The following THSD4 variants were observed in gnomAD, a reference collection of about 807,000 sequenced individuals.
The protein encoded by THSD4 is thrombospondin type 1 domain containing 4, also known as thrombospondin type-1 domain-containing protein 4.
Under a neutral mutation model 119.0 loss-of-function variants are expected in THSD4, and 69 were observed. The ratio of observed to expected loss-of-function variants is 0.58; its 90% CI spans 0.48 to 0.71. The LOEUF is 0.71. THSD4 is among the 30% of genes least tolerant of loss of function. The pLI, the probability that THSD4 is intolerant of heterozygous loss-of-function variation, is 0.00. For missense variants in THSD4, 1,393 were observed against 1,391.1 expected (o/e 1.00, Z -0.02); for synonymous variants, 524 against 540.4 (o/e 0.97, Z 0.42).
chr15:71,472,858 A>G (rs2047601291), intron 7 of THSD4, among the ~76,000 whole-genome samples: 1 of 152,160 alleles, frequency 6.6e-6, no homozygotes, highest in Non-Finnish European at 1.5e-5. Context: ...TGGGAAGGAA[A>G]TGTAGCCTTT....
chr15:71,534,136 G>A (rs2140822388), intron 7 of THSD4, among the ~76,000 whole-genome samples: 1 of 152,234 alleles, frequency 6.6e-6, no homozygotes, highest in Admixed American at 6.5e-5. Flanking sequence ...TTGTTGTAGA[G>A]ACAGAGTCTC....
intron 7 of THSD4, among the ~76,000 whole-genome samples, chr15:71,566,148 CTTTTT>C (rs1567040065): frequency 2.2e-5 from 1 of 45,328 alleles, no homozygotes; most frequent in Admixed American, 4.4e-4. Context: ...TTTTCTTTTT[CTTTTT>C]TTCTTTTTTT....
intron 3 of THSD4, among the ~76,000 whole-genome samples, chr15:71,204,260 GAA>G (rs1258483389): frequency 4.6e-5 from 7 of 152,194 alleles, no homozygotes; most frequent in African/African-American, 1.7e-4. Context: ...ATTTCAGAAA[GAA>G]GAGTGTTTCC....
At chr15:71,350,595 T>A (rs2045731374) in intron 6 of THSD4, among the ~76,000 whole-genome samples, 1 of 152,204 alleles carries the variant, frequency 6.6e-6, no homozygotes, top group Admixed American at 6.5e-5. Context: ...AATAAAAATC[T>A]CCCAACATAG....
At chr15:71,480,520 A>C (rs769871922) in intron 7 of THSD4, among the ~76,000 whole-genome samples, 10 of 152,210 alleles carry the variant, frequency 6.6e-5, no homozygotes, top group Non-Finnish European at 1.5e-4. Flanking sequence ...CAACTACAAA[A>C]ATAAGGCAGA....
chr15:71,250,653 T>G (rs1472671100), intron 5 of THSD4, among the ~76,000 whole-genome samples: 1 of 152,184 alleles, frequency 6.6e-6, no homozygotes, highest in African/African-American at 2.4e-5. Context: ...TGCCATGTGC[T>G]TCCTGATTAG....
At chr15:71,718,307 A>T (rs1347109302) in intron 8 of THSD4, among the ~76,000 whole-genome samples, 1 of 152,208 alleles carries the variant, frequency 6.6e-6, no homozygotes, top group South Asian at 2.1e-4. Flanking sequence ...CCATTGACAA[A>T]ATTAGCCTCC....
At chr15:71,247,355 G>C (rs192435193) in intron 5 of THSD4, among the ~76,000 whole-genome samples, 1 of 152,172 alleles carries the variant, frequency 6.6e-6, no homozygotes, top group African/African-American at 2.4e-5. Flanking sequence ...CGTTGATTGC[G>C]TGGGGTGAGG....
chr15:71,526,182 T>C lies in THSD4; in HGVS notation c.1152+114359T>C, dbSNP rs563962803. 3.9e-5 allele frequency among the ~76,000 whole-genome samples: 6 copies of C among 152,242 alleles called. No homozygotes were observed. In the South Asian group the frequency reaches 1.2e-3, roughly 32 times the overall value. ...TCATTTTGTTCTGATTGATTGCCGG[T>C]TTCAAGGACCGTCTAAAATCTCAGT... On this transcript the variant is annotated intron_variant, in intron 7 of 17. Coordinates refer to ENST00000261862, the MANE Select transcript of THSD4 (RefSeq NM_024817.3).
rs201340820 is a variant in THSD4, at chr15:71,395,958, CAG to C, written c.1016-15727_1016-15726del. On this transcript the variant is annotated intron_variant, in intron 6 of 17. Transcript: ENST00000261862. Reference sequence around the variant, plus strand: ...ACACACACACACACACACACAAACACAGACTTTGTTGAGCACATGGCCTGTTG... The same window carrying C: ...ACACACACACACACACACACAAACACACTTTGTTGAGCACATGGCCTGTTG... Among the ~76,000 whole-genome samples, 504 of 145,790 alleles carry C rather than the reference CAG, an allele frequency of 3.5e-3. 2 individuals are homozygous for C. Among genetic ancestry groups the C allele is most frequent in the Middle Eastern group, 0.012 (3 of 258 alleles).
At chr15:71,291,680 C>T (rs969284459) in intron 6 of THSD4, among the ~76,000 whole-genome samples, 1 of 152,230 alleles carries the variant, frequency 6.6e-6, no homozygotes, top group African/African-American at 2.4e-5. Flanking sequence ...CAAAGACACA[C>T]ATATTATTAC....
intron 14 of THSD4, among the ~76,000 whole-genome samples, chr15:71,751,835 T>A (rs564780618): frequency 6.6e-6 from 1 of 152,158 alleles, no homozygotes; most frequent in African/African-American, 2.4e-5. Context: ...ACACGGGTGA[T>A]GTTTTACTGT....
intron 1 of THSD4, among the ~76,000 whole-genome samples, chr15:71,106,533 A>G (rs1222958341): frequency 1.3e-5 from 2 of 152,204 alleles, no homozygotes; most frequent in Non-Finnish European, 2.9e-5. Context: ...GCAGGAATTT[A>G]TCCCTTAACT....
chr15:71,732,994 A>G (rs77207317), intron 10 of THSD4: 6,652 of 152,340 alleles, frequency 0.044, 193 homozygotes, highest in South Asian at 0.075. Flanking sequence ...TCAGCACAAC[A>G]GAGAATTTTT....
intron 2 of THSD4, among the ~76,000 whole-genome samples, chr15:71,154,172 T>C (rs988263374): frequency 6.6e-6 from 1 of 152,162 alleles, no homozygotes; most frequent in Non-Finnish European, 1.5e-5. Flanking sequence ...ATCACCCAGA[T>C]GGGAATGATG....
At chr15:71,300,215 C>T (rs1596323147) in intron 6 of THSD4, among the ~76,000 whole-genome samples, 1 of 151,780 alleles carries the variant, frequency 6.6e-6, no homozygotes, top group South Asian at 2.1e-4. Context: ...AGCAACCACA[C>T]CCCTTCACCA....
At chr15:71,425,731 T>G (rs1300628675) in intron 7 of THSD4, among the ~76,000 whole-genome samples, 1 of 152,212 alleles carries the variant, frequency 6.6e-6, no homozygotes, top group East Asian at 1.9e-4. Context: ...AATGTGTAAA[T>G]GAAAGAAGGT....
intron 8 of THSD4, among the ~76,000 whole-genome samples, chr15:71,716,754 A>G (rs28377348): frequency 0.36 from 54,661 of 151,760 alleles, 10,689 homozygotes; most frequent in African/African-American, 0.52. Flanking sequence ...TTTTCCCTCA[A>G]ACCAAGCAGG....
intron 7 of THSD4, among the ~76,000 whole-genome samples, chr15:71,535,895 G>C (rs544974690): frequency 3.9e-5 from 6 of 152,180 alleles, no homozygotes; most frequent in African/African-American, 1.2e-4. Flanking sequence ...TCACCAACTT[G>C]ATGGTATCAT....
Sources: gnomAD v4.1 joint callset for allele counts (sites outside exome capture counted in the v4.1 genomes callset) on GRCh38, gnomAD v4.1.1 for gene constraint, MANE v1.5 for transcripts, NCBI Gene and HGNC (gene_info 2026-07-23, HGNC 2026-07-21) for gene names.